RASSF3: variants seen among roughly 807,000 people sequenced by gnomAD.
RASSF3 encodes Ras association domain family member 3, also known as ras association domain-containing protein 3.
In RASSF3, 19 loss-of-function variants were observed where a neutral mutation model predicts 19.9. The ratio of observed to expected loss-of-function variants is 0.96; its 90% CI spans 0.67 to 1.40. The LOEUF (loss-of-function observed/expected upper bound fraction) is 1.40, where lower values mean the gene tolerates loss of function less well. RASSF3 is among the 40% of genes most tolerant of loss of function. The pLI, the probability that RASSF3 is intolerant of heterozygous loss-of-function variation, is 0.00. For missense variants in RASSF3, 306 were observed against 289.8 expected, an observed-to-expected ratio of 1.06 and a Z score of -0.41; for synonymous variants, 110 against 104.2, an observed-to-expected ratio of 1.06 and a Z score of -0.34.
At chr12:64,524,052 CTT>C (rs35141966) in intron 1 of RASSF3, among the ~76,000 whole-genome samples, 6 of 120,064 alleles carry the variant, frequency 5.0e-5, no homozygotes, top group Non-Finnish European at 8.6e-5. Flanking sequence ...TGTACTTGCT[CTT>C]TTTTTTTTTT....
intron 1 of RASSF3, chr12:64,515,657 T>C (rs760134254): frequency 1.3e-5 from 2 of 152,230 alleles, no homozygotes; most frequent in Non-Finnish European, 2.9e-5. Context: ...AATTTCCCTA[T>C]AAAGTGCTTT....
chr12:64,668,791 C>T (rs939384568), intron 1 of RASSF3, among the ~76,000 whole-genome samples: 1 of 150,560 alleles, frequency 6.6e-6, no homozygotes, highest in South Asian at 2.1e-4. Context: ...ACGCCATTCT[C>T]CTGCCTCAGC....
At chr12:64,628,961 G>T (rs1236771861) in intron 1 of RASSF3, among the ~76,000 whole-genome samples, 1 of 151,662 alleles carries the variant, frequency 6.6e-6, no homozygotes, top group Non-Finnish European at 1.5e-5. Flanking sequence ...TTGAGACAGG[G>T]TCTTGCTTTG....
chr12:64,609,749 C>A (rs769275626), upstream of RASSF3, among the ~76,000 whole-genome samples: 2 of 152,096 alleles, frequency 1.3e-5, no homozygotes, highest in Non-Finnish European at 2.9e-5. Flanking sequence ...TTACAAAGCA[C>A]ATTTAATTGA....
At chr12:64,655,669 A>T (rs1872131071) in intron 1 of RASSF3, among the ~76,000 whole-genome samples, 1 of 152,146 alleles carries the variant, frequency 6.6e-6, no homozygotes, top group Admixed American at 6.6e-5. Context: ...ATTGTATAAG[A>T]TAAAAACCAA....
chr12:64,551,721 T>C (rs1453030930), intron 2 of RASSF3, among the ~76,000 whole-genome samples: 3 of 152,222 alleles, frequency 2.0e-5, no homozygotes, highest in African/African-American at 7.2e-5. Flanking sequence ...TTGTTTTCTT[T>C]AATACTCACA....
chr12:64,690,011 G>A (rs1190143893), intron 3 of RASSF3, among the ~76,000 whole-genome samples: 6 of 151,488 alleles, frequency 4.0e-5, no homozygotes, highest in African/African-American at 7.3e-5. Context: ...GGATGGTCTC[G>A]ATCTCCTGAC....
chr12:64,603,530 C>A (rs960816647), intron 2 of RASSF3, among the ~76,000 whole-genome samples: 1 of 152,178 alleles, frequency 6.6e-6, no homozygotes, highest in Non-Finnish European at 1.5e-5. Context: ...TTTTCTCCCC[C>A]ACCTTGTCCT....
intron 1 of RASSF3, among the ~76,000 whole-genome samples, chr12:64,681,052 C>T (rs564231987): frequency 1.8e-4 from 27 of 152,302 alleles, no homozygotes; most frequent in Admixed American, 1.7e-3. Flanking sequence ...GCTTCTCGGT[C>T]TGCCTGTGCG....
chr12:64,557,611 G>A (rs2136123961), intron 2 of RASSF3, among the ~76,000 whole-genome samples: 1 of 152,290 alleles, frequency 6.6e-6, no homozygotes, highest in South Asian at 2.1e-4. Context: ...CACTGGGAGT[G>A]ATGGTAGGTA....
chr12:64,670,370 G>T (rs1592458931), intron 1 of RASSF3, among the ~76,000 whole-genome samples: 11 of 143,746 alleles, frequency 7.7e-5, no homozygotes, highest in South Asian at 2.2e-4. Context: ...AGATTTTACT[G>T]TTTTTTTTTT....
chr12:64,620,377 C>G (rs183313685), intron 1 of RASSF3, among the ~76,000 whole-genome samples: 1 of 152,234 alleles, frequency 6.6e-6, no homozygotes, highest in African/African-American at 2.4e-5. Context: ...CACCTTTTGG[C>G]TCATGTGAAT....
intron 2 of RASSF3, among the ~76,000 whole-genome samples, chr12:64,585,726 T>C (rs2136137669): frequency 6.6e-6 from 1 of 151,598 alleles, no homozygotes; most frequent in South Asian, 2.1e-4. Context: ...TACCTCAGCT[T>C]CCCAAGTTGC....
chr12:64,522,564 C>T (rs142016828), intron 1 of RASSF3, among the ~76,000 whole-genome samples: 2 of 152,276 alleles, frequency 1.3e-5, no homozygotes, highest in Non-Finnish European at 2.9e-5. Context: ...TGTCAAAAGC[C>T]ATTTTAGGAT....
At chr12:64,522,857 G>A (rs996216455) in intron 1 of RASSF3, among the ~76,000 whole-genome samples, 5 of 152,150 alleles carry the variant, frequency 3.3e-5, no homozygotes, top group African/African-American at 1.2e-4. Context: ...GGCTCCTGGG[G>A]GAAAGGTGGG....
At chr12:64,554,451 C>T (rs536846525) in intron 2 of RASSF3, among the ~76,000 whole-genome samples, 31 of 152,280 alleles carry the variant, frequency 2.0e-4, no homozygotes, top group African/African-American at 5.8e-4. Context: ...ATCATAAGCA[C>T]GCACCACCAC....
chr12:64,552,949 A>G (rs7313144), intron 2 of RASSF3, among the ~76,000 whole-genome samples: 7,399 of 152,068 alleles, frequency 0.049, 610 homozygotes, highest in African/African-American at 0.17. Flanking sequence ...GGTGGCTCAC[A>G]CCTATAATCC....
At chr12:64,689,282 G>A (rs954730883) in intron 3 of RASSF3, among the ~76,000 whole-genome samples, 3 of 150,216 alleles carry the variant, frequency 2.0e-5, no homozygotes, top group South Asian at 2.1e-4. Context: ...GGTTTTTCTC[G>A]GTAAAGCCTA....
At chr12:64,609,725 T>A (rs1870268537), upstream of RASSF3, among the ~76,000 whole-genome samples, 1 of 152,186 alleles carries the variant, frequency 6.6e-6, no homozygotes, top group African/African-American at 2.4e-5. Context: ...GAAGGCTGAT[T>A]GTGGCGGGGA....
Sources: allele counts gnomAD v4.1 joint callset (sites outside exome capture counted in the v4.1 genomes callset), GRCh38; gene constraint gnomAD v4.1.1; transcripts MANE v1.5; gene names NCBI Gene and HGNC (gene_info 2026-07-23, HGNC 2026-07-21).